Variants in ALOX5AP observed in about 807,000 individuals in gnomAD.
ALOX5AP encodes the protein arachidonate 5-lipoxygenase activating protein.
ALOX5AP carries 9 observed loss-of-function variants against 18.5 expected under a neutral mutation model. The ratio of observed to expected loss-of-function variants is 0.49; its 90% confidence interval spans 0.29 to 0.85. The LOEUF is 0.85. ALOX5AP is among the 40% of genes least tolerant of loss of function. The pLI is 0.08. For synonymous variants in ALOX5AP, 81 were observed against 78.6 expected (o/e 1.03, Z -0.16); for missense variants, 172 against 202.5 (o/e 0.85, Z 0.91).
chr13:30,730,615 G>GTT, upstream of ALOX5AP, among the ~76,000 whole-genome samples: 1 of 152,178 alleles, frequency 6.6e-6, no homozygotes, highest in Non-Finnish European at 1.5e-5. Context: ...GGGCAACCCT[G>GTT]AATGGGGAGT....
intron 4 of ALOX5AP, among the ~76,000 whole-genome samples, chr13:30,762,155 G>T: frequency 6.6e-6 from 1 of 152,184 alleles, no homozygotes; most frequent in East Asian, 1.9e-4. Flanking sequence ...GATTCATTAG[G>T]TTCCAGAGGG....
chr13:30,755,668 G>A (rs544149462), intron 3 of ALOX5AP, among the ~76,000 whole-genome samples: 2 of 152,318 alleles, frequency 1.3e-5, no homozygotes, highest in African/African-American at 4.8e-5. Flanking sequence ...GAAAGTTTAT[G>A]AATTTGTGTT....
intron 1 of ALOX5AP, among the ~76,000 whole-genome samples, chr13:30,722,298 A>G (rs1322834395): frequency 6.6e-6 from 1 of 152,256 alleles, no homozygotes; most frequent in Non-Finnish European, 1.5e-5. Context: ...TAGAACAGGA[A>G]GAAAGAAGGC....
At chr13:30,728,620 A>G (rs1178683178) in intron 1 of ALOX5AP, among the ~76,000 whole-genome samples, 1 of 152,174 alleles carries the variant, frequency 6.6e-6, no homozygotes. Context: ...GAAACTGCCA[A>G]CTTGGGGGAA....
chr13:30,721,299 C>T (rs971779319), intron 1 of ALOX5AP, among the ~76,000 whole-genome samples: 1 of 152,128 alleles, frequency 6.6e-6, no homozygotes, highest in African/African-American at 2.4e-5. Flanking sequence ...CAAGAATAGC[C>T]AAAATTAGCC....
chr13:30,728,997 TTA>T (rs1951659480), intron 1 of ALOX5AP, among the ~76,000 whole-genome samples: 1 of 152,242 alleles, frequency 6.6e-6, no homozygotes. Context: ...ATGTATTGTG[TTA>T]TCTCATTGTA....
At chr13:30,715,558 T>A (rs1391473453) in intron 1 of ALOX5AP, among the ~76,000 whole-genome samples, 1 of 152,152 alleles carries the variant, frequency 6.6e-6, no homozygotes, top group East Asian at 1.9e-4. Flanking sequence ...AGGCCCACAG[T>A]GGGATGGGGA....
At chr13:30,740,999 A>T (rs540504889) in intron 1 of ALOX5AP, among the ~76,000 whole-genome samples, 1 of 147,396 alleles carries the variant, frequency 6.8e-6, no homozygotes, top group African/African-American at 2.5e-5. Context: ...TCCCTGGGGG[A>T]TTAGTTCTAT....
intron 2 of ALOX5AP, among the ~76,000 whole-genome samples, chr13:30,749,102 T>A (rs1307198980): frequency 6.6e-6 from 1 of 152,202 alleles, no homozygotes; most frequent in Admixed American, 6.5e-5. Context: ...AGGAACCCAT[T>A]TTCTTACAGC....
chr13:30,735,795 T>C (rs931056338), intron 1 of ALOX5AP, 120 bp downstream of exon 1: 3 of 1,140,656 alleles, frequency 2.6e-6, no homozygotes, highest in Non-Finnish European at 3.7e-6. Flanking sequence ...TTTTACCTTA[T>C]CTTTATTTTC....
chr13:30,713,721 CA>C (rs1566076259), exon 1 of ALOX5AP: 6 of 1,522,458 alleles, frequency 3.9e-6, no homozygotes, highest in Non-Finnish European at 4.4e-6. Flanking sequence ...TCAACAGAAA[CA>C]AAAATGCTCA....
chr13:30,740,198 G>A lies in ALOX5AP; in HGVS notation c.71-3862G>A, dbSNP rs767670044. Among the ~76,000 whole-genome samples the A allele has an allele frequency of 4.6e-5, 7 of 152,158 alleles. No homozygotes were observed. In the East Asian group the frequency reaches 7.7e-4, roughly 17 times the overall value. ...CATCGACTCTGTTAGAATAATCTACGTATGAGTTATTTTTTTGAGAACTAT... is the reference window on the plus strand; with the variant it reads ...CATCGACTCTGTTAGAATAATCTACATATGAGTTATTTTTTTGAGAACTAT... On this transcript the variant is annotated intron_variant, in intron 1 of 4. Coordinates refer to ENST00000380490, the MANE Select transcript of ALOX5AP (RefSeq NM_001629.4).
At chr13:30,727,146 C>G (rs781651592) in intron 1 of ALOX5AP, among the ~76,000 whole-genome samples, 1 of 151,850 alleles carries the variant, frequency 6.6e-6, no homozygotes, top group Non-Finnish European at 1.5e-5. Flanking sequence ...CTCTGCCTCC[C>G]GGGTTCAAGT....
At chr13:30,741,200 G>T (rs1184797680) in intron 1 of ALOX5AP, among the ~76,000 whole-genome samples, 1 of 126,774 alleles carries the variant, frequency 7.9e-6, no homozygotes, top group African/African-American at 3.1e-5. Context: ...TTGGCTCACT[G>T]CAAGCTCCGC....
intron 2 of ALOX5AP, among the ~76,000 whole-genome samples, chr13:30,746,406 G>A (rs9315046): frequency 0.5 from 75,314 of 152,106 alleles, 19,035 homozygotes; most frequent in East Asian, 0.62. Flanking sequence ...GCAGGGTGGA[G>A]AGTTTTCTGT....
Position 30,735,627 on chromosome 13 carries a change from A to G in ALOX5AP, c.22A>G (p.Asn8Asp), listed in dbSNP as rs1951714565. The change falls in exon 1 of 5, where the codon AAT (asparagine) becomes GAT (aspartate). Residue 8 changes from asparagine (N) to aspartate (D), a missense_variant. By Grantham distance (23) the Asn-to-Asp change is conservative. Transcript: ENST00000380490. ...AAACATGGATCAAGAAACTGTAGGC[A>G]ATGTTGTCCTGTTGGCCATCGTCAC... Reference protein sequence around the residue: MDQETVGNVVLLAIVTLI... With the variant: MDQETVGDVVLLAIVTLI... 1 of 1,613,994 alleles carries G rather than the reference A, an allele frequency of 6.2e-7. No homozygotes were observed. Among genetic ancestry groups the G allele is most frequent in the Non-Finnish European group, 8.5e-7 (1 of 1,180,010 alleles).
intron 4 of ALOX5AP, among the ~76,000 whole-genome samples, chr13:30,763,269 C>T (rs557498329): frequency 6.6e-6 from 1 of 152,344 alleles, no homozygotes; most frequent in Non-Finnish European, 1.5e-5. Flanking sequence ...GATTGCACCA[C>T]TGCACTCCAG....
At chr13:30,747,118 G>A (rs562871370) in intron 2 of ALOX5AP, among the ~76,000 whole-genome samples, 1 of 152,294 alleles carries the variant, frequency 6.6e-6, no homozygotes, top group East Asian at 1.9e-4. Flanking sequence ...GCTGAGCCAG[G>A]GTTTGAGAGC....
chr13:30,732,168 G>A (rs900211174), upstream of ALOX5AP, among the ~76,000 whole-genome samples: 1 of 152,208 alleles, frequency 6.6e-6, no homozygotes, highest in Admixed American at 6.5e-5. Context: ...GCTCAGAGCG[G>A]GGTGCCCGGC....
Sources: gnomAD v4.1 joint callset for allele counts (sites outside exome capture counted in the v4.1 genomes callset) on GRCh38, gnomAD v4.1.1 for gene constraint, MANE v1.5 for transcripts, NCBI Gene and HGNC (gene_info 2026-07-23, HGNC 2026-07-21) for gene names.